TBC1D14: variants seen among roughly 807,000 people sequenced by gnomAD.
The protein encoded by TBC1D14 is TBC1 domain family, member 14.
A neutral mutation model predicts 79.0 loss-of-function variants in TBC1D14; 26 were observed. The ratio of observed to expected loss-of-function variants is 0.33; its 90% CI spans 0.24 to 0.46. The LOEUF is 0.46. Ranked by LOEUF, TBC1D14 falls within the 20% of genes least tolerant of loss-of-function variation. TBC1D14 has a pLI of 1.00. For synonymous variants in TBC1D14, 394 were observed against 349.9 expected, an observed-to-expected ratio of 1.13 and a Z score of -1.40; for missense variants, 769 against 887.6, an observed-to-expected ratio of 0.87 and a Z score of 1.70.
chr4:7,001,301 T>G (rs1719652814), intron 7 of TBC1D14, 50 bp downstream of exon 7: 4 of 1,480,242 alleles, frequency 2.7e-6, no homozygotes, highest in Non-Finnish European at 3.8e-6. Flanking sequence ...CCCTTTGGCT[T>G]CTTCTCTCCC....
chr4:6,960,005 A>G (rs1057309765), intron 2 of TBC1D14, among the ~76,000 whole-genome samples: 21 of 151,920 alleles, frequency 1.4e-4, no homozygotes, highest in African/African-American at 4.8e-4. Context: ...TCCATCAGCA[A>G]CACGTTTGCA....
intron 1 of TBC1D14, among the ~76,000 whole-genome samples, chr4:6,912,032 G>A (rs963612132): frequency 1.3e-5 from 2 of 152,066 alleles, no homozygotes; most frequent in East Asian, 1.9e-4. Flanking sequence ...CGATTCTCCC[G>A]AGTAGCTGCA....
intron 11 of TBC1D14, among the ~76,000 whole-genome samples, chr4:7,013,228 T>G (rs1720944484): frequency 6.6e-6 from 1 of 152,242 alleles, no homozygotes; most frequent in African/African-American, 2.4e-5. Flanking sequence ...TGGAGGATGC[T>G]AAGCAGCTTG....
intron 7 of TBC1D14, among the ~76,000 whole-genome samples, chr4:7,003,394 C>T (rs1020066079): frequency 4.6e-5 from 7 of 152,114 alleles, no homozygotes; most frequent in African/African-American, 7.2e-5. Flanking sequence ...TCCTGGAGGC[C>T]GAAAGCAGGT....
At chr4:6,919,393 G>A (rs903691734) in intron 1 of TBC1D14, among the ~76,000 whole-genome samples, 8 of 151,964 alleles carry the variant, frequency 5.3e-5, no homozygotes, top group South Asian at 2.1e-4. Context: ...TGATCCGCCC[G>A]TCTCGGCCTC....
intron 2 of TBC1D14, among the ~76,000 whole-genome samples, chr4:6,964,862 C>A (rs572913506): frequency 9.2e-5 from 14 of 152,054 alleles, no homozygotes; most frequent in Non-Finnish European, 2.9e-5. Flanking sequence ...TGCAGAAAAC[C>A]CCCGGAACTC....
chr4:6,947,196 T>A (rs923783168), intron 2 of TBC1D14, among the ~76,000 whole-genome samples: 45 of 152,026 alleles, frequency 3.0e-4, no homozygotes, highest in African/African-American at 1.0e-3. Flanking sequence ...CCCCTGTCGC[T>A]ACTAAAAATA....
At chr4:6,955,010 A>G (rs929526218) in intron 2 of TBC1D14, among the ~76,000 whole-genome samples, 10 of 152,234 alleles carry the variant, frequency 6.6e-5, no homozygotes, top group Non-Finnish European at 1.2e-4. Flanking sequence ...GTGTGGAACT[A>G]GGAATTTTGA....
chr4:7,014,439 T>C lies in TBC1D14; in HGVS notation c.1648-9T>C. 1 of 1,585,048 alleles carries C rather than the reference T, an allele frequency of 6.3e-7. No homozygotes were observed. Among genetic ancestry groups the C allele is most frequent in the South Asian group, 1.1e-5 (1 of 90,040 alleles). ...TAGTTTCTGAGTAAATTTCATATTA[T>C]CTCCCTAGATGTTGACTTATTTTGC... On this transcript the variant is annotated splice_polypyrimidine_tract_variant and intron_variant, in intron 11 of 13. Coordinates refer to ENST00000409757, the MANE Select transcript of TBC1D14 (RefSeq NM_020773.3).
chr4:6,970,248 TAG>T (rs1349345187), intron 3 of TBC1D14, among the ~76,000 whole-genome samples: 1 of 152,212 alleles, frequency 6.6e-6, no homozygotes, highest in Non-Finnish European at 1.5e-5. Context: ...ACTTTGGAGT[TAG>T]ACTACCAGGG....
intron 2 of TBC1D14, among the ~76,000 whole-genome samples, chr4:6,934,902 A>T (rs115370797): frequency 0.01 from 1,535 of 151,716 alleles, 26 homozygotes; most frequent in African/African-American, 0.035. Flanking sequence ...AAATAGTGAG[A>T]CCCCATCTCT....
In TBC1D14 at chr4:6,961,230, C is replaced by T. The variant is rs149361224; in HGVS notation, c.723-6074C>T. ...CTTACAGGTAGGCTCTTCACATGGC[C>T]GGGTGTGGCCTGATCCCTGACGGCC... On this transcript the variant is annotated intron_variant, in intron 2 of 13. Coordinates refer to ENST00000409757, the MANE Select transcript of TBC1D14 (RefSeq NM_020773.3). Among the ~76,000 whole-genome samples the T allele has an allele frequency of 2.3e-3, 357 of 152,280 alleles. 1 individual carries two copies. Among genetic ancestry groups the T allele is most frequent in the African/African-American group, 7.9e-3 (327 of 41,546 alleles).
At chr4:6,996,774 G>A (rs529082706) in intron 5 of TBC1D14, among the ~76,000 whole-genome samples, 20 of 152,292 alleles carry the variant, frequency 1.3e-4, no homozygotes, top group African/African-American at 4.3e-4. Context: ...TGTGTCTCTC[G>A]CAGAAGGCTA....
At chr4:6,917,864 C>T (rs1432059759) in intron 1 of TBC1D14, among the ~76,000 whole-genome samples, 2 of 152,190 alleles carry the variant, frequency 1.3e-5, no homozygotes, top group African/African-American at 2.4e-5. Context: ...AGTGCGGCTT[C>T]TGCCCTAGTG....
chr4:6,954,240 G>A (rs1472389320), intron 2 of TBC1D14: 3 of 715,886 alleles, frequency 4.2e-6, no homozygotes, highest in Non-Finnish European at 7.8e-6. Flanking sequence ...CCAGGAATGC[G>A]GCACGGGGAG....
intron 2 of TBC1D14, among the ~76,000 whole-genome samples, chr4:6,925,090 C>T (rs551921080): frequency 2.6e-5 from 4 of 152,182 alleles, no homozygotes; most frequent in African/African-American, 4.8e-5. Context: ...GTCCGGAGTT[C>T]GAGACCAGTC....
At chr4:6,965,282 C>T (rs996933223) in intron 2 of TBC1D14, among the ~76,000 whole-genome samples, 3 of 152,070 alleles carry the variant, frequency 2.0e-5, no homozygotes, top group African/African-American at 4.8e-5. Flanking sequence ...CTCAGCCTCC[C>T]GAGTAGCTGG....
At chr4:6,916,256 T>C (rs28601619) in intron 1 of TBC1D14, among the ~76,000 whole-genome samples, 68,256 of 151,874 alleles carry the variant, frequency 0.45, 15,932 homozygotes, top group East Asian at 0.66. Flanking sequence ...CCCCTTGCCA[T>C]TGGGGTTTGA....
At position 7,001,139 on chromosome 4, in the gene TBC1D14, G is replaced by T; in HGVS notation, c.1164-6G>T. The T allele has an allele frequency of 6.2e-7, 1 of 1,613,510 alleles. No homozygotes were observed. The highest frequency in any genetic ancestry group is 8.5e-7 in the Non-Finnish European group (1 of 1,179,518). On this transcript the variant is annotated splice_polypyrimidine_tract_variant and splice_region_variant and intron_variant, in intron 6 of 13. Coordinates refer to ENST00000409757, the MANE Select transcript of TBC1D14 (RefSeq NM_020773.3). Reference sequence around the variant, plus strand: ...AACTCAAACTCCTGCTTCTGTTTTTGTCCAGGTGGTGCTCTAGAAAAGTTC... The same window carrying T: ...AACTCAAACTCCTGCTTCTGTTTTTTTCCAGGTGGTGCTCTAGAAAAGTTC...
Sources: gnomAD v4.1 joint callset for allele counts (sites outside exome capture counted in the v4.1 genomes callset) on GRCh38, gnomAD v4.1.1 for gene constraint, MANE v1.5 for transcripts, NCBI Gene and HGNC (gene_info 2026-07-23, HGNC 2026-07-21) for gene names.